The following TPBGL variants were observed in gnomAD, a reference collection of about 807,000 sequenced individuals.
TPBGL encodes trophoblast glycoprotein like.
For missense variants in TPBGL, 685 were observed against 609.4 expected, an observed-to-expected ratio of 1.12 and a Z score of -1.31; for synonymous variants, 380 against 314.8, an observed-to-expected ratio of 1.21 and a Z score of -2.19.
Position 75,241,314 on chromosome 11 carries a change from G to A in TPBGL, c.265G>A (p.Ala89Thr), listed in dbSNP as rs1945596227. 1.5e-6 allele frequency: 2 copies of A among 1,344,200 alleles called. No individual in the cohort carries two copies. The highest frequency in any genetic ancestry group is 1.8e-5 in the South Asian group (1 of 55,264). The allele number at this position is 1,344,200 out of a possible 1,614,324, so 83.3% of individuals were successfully genotyped here. A position where few individuals can be genotyped will look rare whatever the true frequency, so the allele number is the denominator to read the frequency against. ...AGGDGDGDQA[A>T]GVRLPLLSAL... ...CGGGGACGGGGACGGCGACCAGGCG[G>A]CGGGCGTGCGCCTGCCGCTCCTGAG... The change falls in exon 1 of 1, where the codon GCG becomes ACG. Residue 89 changes from alanine (A) to threonine (T), a missense_variant. Physicochemically the swap from Ala to Thr is moderately conservative, Grantham distance 58 (BLOSUM62 0). Transcript: ENST00000562197.
chr11:75,241,187 A>C lies in TPBGL; in HGVS notation c.138A>C (p.Gly46=). Residue 46 remains glycine (G), a synonymous_variant, in exon 1 of 1, where the codon GGA becomes GGC. Coordinates refer to ENST00000562197, the MANE Select transcript of TPBGL (RefSeq NM_001195528.2). ...AGCTGCTGCTGCGCTGCGCGTCGGG[A>C]GCCGAGCTCCGCCAGCCTCCGCGGG... ...GPKLLLRCAS[G]AELRQPPRDV... is the part of the protein sequence containing the mutation. 6.9e-7 allele frequency: 1 copy of C among 1,451,346 alleles called. No homozygotes were observed. The highest frequency in any genetic ancestry group is 9.1e-7 in the Non-Finnish European group (1 of 1,104,818). 89.9% of individuals were successfully genotyped at this position (1,451,346 alleles called of 1,614,324 possible). A position where few individuals can be genotyped will look rare whatever the true frequency, so the allele number is the denominator to read the frequency against.
Position 75,241,704 on chromosome 11 carries a change from G to C in TPBGL, c.655G>C (p.Glu219Gln), listed in dbSNP as rs1296933727. ...GGACCCCGACGAGCTGCGCGCGCTG[G>C]AGCGCGATGGCGGCCTCCCCGGGCC... The part of the protein sequence containing the change: ...GLDPDELRAL[E>Q]RDGGLPGPRL... The change falls in exon 1 of 1, where the codon GAG becomes CAG. Residue 219 changes from glutamate to glutamine, a missense_variant. Coordinates refer to ENST00000562197, the MANE Select transcript of TPBGL (RefSeq NM_001195528.2). 2.4e-6 allele frequency: 3 copies of C among 1,266,878 alleles called. No individual in the cohort carries two copies. The highest frequency in any genetic ancestry group is 3.0e-6 in the Non-Finnish European group (3 of 1,004,734). The allele number at this position is 1,266,878 out of a possible 1,614,324, so 78.5% of individuals were successfully genotyped here. A position where few individuals can be genotyped will look rare whatever the true frequency, so the allele number is the denominator to read the frequency against.
chr11:75,241,705 AGCGCGATG>A lies in TPBGL; in HGVS notation c.660_667del (p.Asp221ProfsTer191). ...GACCCCGACGAGCTGCGCGCGCTGG[AGCGCGATG>A]GCGGCCTCCCCGGGCCGCGCCTGCT... On this transcript the variant is annotated frameshift_variant, in exon 1 of 1. Coordinates refer to ENST00000562197, the MANE Select transcript of TPBGL (RefSeq NM_001195528.2). LOFTEE classifies it low-confidence loss of function (END_TRUNC). 7.9e-7 allele frequency: 1 copy of A among 1,266,620 alleles called. No individual in the cohort carries two copies. Among genetic ancestry groups the A allele is most frequent in the Non-Finnish European group, 1.0e-6 (1 of 1,004,610 alleles). The allele number at this position is 1,266,620 out of a possible 1,614,324, so 78.5% of individuals were successfully genotyped here.
In TPBGL at chr11:75,241,096, T is replaced by TGGC; in HGVS notation, c.55_57dup (p.Ala19dup). ...CCGGGGCTCCAGGGGCTGCTGCTCG[T>TGGC]GGCGGCGGCGCTGAGCCAGCCCGCG... On this transcript the variant is annotated inframe_insertion, in exon 1 of 1. Coordinates refer to ENST00000562197, the MANE Select transcript of TPBGL (RefSeq NM_001195528.2). 7.3e-7 allele frequency: 1 copy of TGGC among 1,360,590 alleles called. No individual in the cohort carries two copies. The highest frequency in any genetic ancestry group is 9.5e-7 in the Non-Finnish European group (1 of 1,054,788). The allele number at this position is 1,360,590 out of a possible 1,614,324, so 84.3% of individuals were successfully genotyped here.
In TPBGL at chr11:75,241,937, GGC is replaced by G; in HGVS notation, c.890_891del (p.Ala297GlyfsTer117). 6.7e-7 allele frequency: 1 copy of G among 1,486,582 alleles called. No individual in the cohort carries two copies. The highest frequency in any genetic ancestry group is 8.9e-7 in the Non-Finnish European group (1 of 1,121,198). The allele number at this position is 1,486,582 out of a possible 1,614,324, so 92.1% of individuals were successfully genotyped here. A position where few individuals can be genotyped will look rare whatever the true frequency, so the allele number is the denominator to read the frequency against. On this transcript the variant is annotated frameshift_variant, in exon 1 of 1. Transcript: ENST00000562197. LOFTEE classifies it low-confidence loss of function (END_TRUNC). Reference sequence around the variant, plus strand: ...GCGGCGCCGACGCTCGCGGAGAGGAGGCGGAGGCCGCCGGCCCGGAGCTGGAA... The same window carrying G: ...GCGGCGCCGACGCTCGCGGAGAGGAGGGAGGCCGCCGGCCCGGAGCTGGAA... ...DSGADARGEEAEAAGPELEAS... is the reference protein window; with the variant it reads ...DSGADARGEEXEAAGPELEAS...
rs1334251035 is a variant in TPBGL, at chr11:75,241,407, C to T, written c.358C>T (p.Leu120=). The T allele has an allele frequency of 1.5e-6, 2 of 1,360,452 alleles. No homozygotes were observed. Among genetic ancestry groups the T allele is most frequent in the African/African-American group, 1.5e-5 (1 of 65,196 alleles). 84.3% of individuals were successfully genotyped at this position (1,360,452 alleles called of 1,614,324 possible). A position where few individuals can be genotyped will look rare whatever the true frequency, so the allele number is the denominator to read the frequency against. The stretch of plus-strand genomic sequence containing the variant: ...CGGCGCCTTCGACGGGCTGCCCAGC[C>T]TGGCGGCGCTCGACCTCAGCCACAA... ...EDGAFDGLPS[L]AALDLSHNPL... is the part of the protein sequence containing the mutation. Residue 120 remains leucine (L), a synonymous_variant, in exon 1 of 1, where the codon CTG becomes TTG. Transcript: ENST00000562197.
chr11:75,241,246 T>A lies in TPBGL; in HGVS notation c.197T>A (p.Val66Glu). 1 of 1,428,012 alleles carries A rather than the reference T, an allele frequency of 7.0e-7. No homozygotes were observed. Among genetic ancestry groups the A allele is most frequent in the African/African-American group, 1.5e-5 (1 of 67,120 alleles). 88.5% of individuals were successfully genotyped at this position (1,428,012 alleles called of 1,614,324 possible). ...VPPDARNLTIVGANLTVLRAA... is the reference protein window; with the variant it reads ...VPPDARNLTIEGANLTVLRAA... ...CCCGACGCGCGCAACCTCACCATCG[T>A]AGGCGCCAACCTGACGGTGCTGCGC... Residue 66 changes from valine to glutamate, a missense_variant, in exon 1 of 1, where the codon GTA becomes GAA. Physicochemically the swap from Val to Glu is moderately radical, Grantham distance 121. Transcript: ENST00000562197.
Position 75,241,021 on chromosome 11 carries a change from C to T in TPBGL, c.-29C>T. 3 of 1,209,830 alleles carry T rather than the reference C, an allele frequency of 2.5e-6. No individual in the cohort carries two copies. The highest frequency in any genetic ancestry group is 3.5e-5 in the East Asian group (1 of 28,218). 74.9% of individuals were successfully genotyped at this position (1,209,830 alleles called of 1,614,324 possible). A position where few individuals can be genotyped will look rare whatever the true frequency, so the allele number is the denominator to read the frequency against. On this transcript the variant is annotated 5_prime_UTR_variant, in exon 1 of 1. Coordinates refer to ENST00000562197, the MANE Select transcript of TPBGL (RefSeq NM_001195528.2). ...CCCAACTCACTGGTGAGCGCGGCGG[C>T]CCGGGCGCTGGATGCGGGGGCGGCC...
In TPBGL at chr11:75,242,163, G is replaced by A; in HGVS notation, c.1114G>A (p.Gly372Ser). Reference sequence around the variant, plus strand: ...CGCGCCCGCGCCCGCCGCGCCCGCGGGCTCCCGCGCCACCTCCCCGGGCTC... The same window carrying A: ...CGCGCCCGCGCCCGCCGCGCCCGCGAGCTCCCGCGCCACCTCCCCGGGCTC... ...RRAPAPAAPA[G>S]SRATSPGSGL The change falls in exon 1 of 1, where the codon GGC (glycine) becomes AGC (serine). Residue 372 changes from glycine to serine, a missense_variant. Coordinates refer to ENST00000562197, the MANE Select transcript of TPBGL (RefSeq NM_001195528.2). 1 of 1,188,650 alleles carries A rather than the reference G, an allele frequency of 8.4e-7. No individual in the cohort carries two copies. Among genetic ancestry groups the A allele is most frequent in the East Asian group, 3.8e-5 (1 of 26,652 alleles). 73.6% of individuals were successfully genotyped at this position (1,188,650 alleles called of 1,614,324 possible). A position where few individuals can be genotyped will look rare whatever the true frequency, so the allele number is the denominator to read the frequency against.
Position 75,242,207 on chromosome 11 carries a change from C to T in TPBGL, c.*9C>T. 1.8e-6 allele frequency: 2 copies of T among 1,103,024 alleles called. No individual in the cohort carries two copies. The highest frequency in any genetic ancestry group is 2.2e-6 in the Non-Finnish European group (2 of 908,494). The allele number at this position is 1,103,024 out of a possible 1,614,324, so 68.3% of individuals were successfully genotyped here. On this transcript the variant is annotated 3_prime_UTR_variant, in exon 1 of 1. Transcript: ENST00000562197. Reference sequence around the variant, plus strand: ...CGGGCTCGGGGCTCTGAGCGGCGCCCCCGGGCTCGGGGCTTCCCTTGCCTG... The same window carrying T: ...CGGGCTCGGGGCTCTGAGCGGCGCCTCCGGGCTCGGGGCTTCCCTTGCCTG...
chr11:75,241,441 G>A lies in TPBGL; in HGVS notation c.392G>A (p.Arg131His), dbSNP rs1945597425. 2 of 1,288,422 alleles carry A rather than the reference G, an allele frequency of 1.6e-6. No homozygotes were observed. Among genetic ancestry groups the A allele is most frequent in the East Asian group, 6.7e-5 (2 of 30,062 alleles). The allele number at this position is 1,288,422 out of a possible 1,614,324, so 79.8% of individuals were successfully genotyped here. A position where few individuals can be genotyped will look rare whatever the true frequency, so the allele number is the denominator to read the frequency against. The change falls in exon 1 of 1, where the codon CGC becomes CAC. Residue 131 changes from arginine (R) to histidine (H), a missense_variant. Arg to His is a conservative substitution (Grantham distance 29). Coordinates refer to ENST00000562197, the MANE Select transcript of TPBGL (RefSeq NM_001195528.2). ...CTCGACCTCAGCCACAACCCGCTGC[G>A]CGCCCTGGGCGGCGGCGCCTTCCGC... ...AALDLSHNPL[R>H]ALGGGAFRGL...
In TPBGL at chr11:75,241,579, T is replaced by A; in HGVS notation, c.530T>A (p.Leu177Gln). Reference sequence around the variant, plus strand: ...GCACCGCTGGCCGAGCTTCGCCTGCTGGGCCTAGCGGGCAACGCGCTGAGC... The same window carrying A: ...GCACCGCTGGCCGAGCTTCGCCTGCAGGGCCTAGCGGGCAACGCGCTGAGC... ...ALAPLAELRLLGLAGNALSRL... is the reference protein window; with the variant it reads ...ALAPLAELRLQGLAGNALSRL... Residue 177 changes from leucine (L) to glutamine (Q), a missense_variant, in exon 1 of 1, where the codon CTG becomes CAG. Transcript: ENST00000562197. The A allele has an allele frequency of 7.6e-7, 1 of 1,314,892 alleles. No homozygotes were observed. Among genetic ancestry groups the A allele is most frequent in the Non-Finnish European group, 9.8e-7 (1 of 1,024,256 alleles). 81.5% of individuals were successfully genotyped at this position (1,314,892 alleles called of 1,614,324 possible).
At position 75,242,085 on chromosome 11, in the gene TPBGL, G is replaced by GGAGGGCTACC; in HGVS notation, c.1036_1037insGAGGGCTACC (p.Asp346GlyfsTer72). 1 of 1,434,448 alleles carries GGAGGGCTACC rather than the reference G, an allele frequency of 7.0e-7. No homozygotes were observed. The highest frequency in any genetic ancestry group is 9.2e-7 in the Non-Finnish European group (1 of 1,089,888). 88.9% of individuals were successfully genotyped at this position (1,434,448 alleles called of 1,614,324 possible). A position where few individuals can be genotyped will look rare whatever the true frequency, so the allele number is the denominator to read the frequency against. On this transcript the variant is annotated frameshift_variant, in exon 1 of 1. Transcript: ENST00000562197. LOFTEE classifies it low-confidence loss of function (END_TRUNC). ...GCGCAACCTGCGCGAGGCGTGCCGG[G>GGAGGGCTACC]ACCAGATGGAGGGCTACCACTACCG... is the stretch of plus-strand genomic sequence containing the variant.
rs1403498769 is a variant in TPBGL at position 75,241,720 on chromosome 11, TC to T, written c.675del (p.Pro227ArgfsTer45). 11 of 1,265,896 alleles carry T rather than the reference TC, an allele frequency of 8.7e-6. No homozygotes were observed. The highest frequency in any genetic ancestry group is 6.3e-5 in the South Asian group (3 of 47,606). The allele number at this position is 1,265,896 out of a possible 1,614,324, so 78.4% of individuals were successfully genotyped here. On this transcript the variant is annotated frameshift_variant, in exon 1 of 1. Coordinates refer to ENST00000562197, the MANE Select transcript of TPBGL (RefSeq NM_001195528.2). LOFTEE classifies it low-confidence loss of function (END_TRUNC). ...CGCGCGCTGGAGCGCGATGGCGGCC[TC>T]CCCGGGCCGCGCCTGCTGCTCGCCG... is the stretch of plus-strand genomic sequence containing the variant. ...ELRALERDGG[L>X]PGPRLLLADN...
chr11:75,241,026 G>A lies in TPBGL; in HGVS notation c.-24G>A. The A allele has an allele frequency of 8.3e-7, 1 of 1,212,024 alleles. No individual in the cohort carries two copies. The highest frequency in any genetic ancestry group is 1.0e-6 in the Non-Finnish European group (1 of 977,522). The allele number at this position is 1,212,024 out of a possible 1,614,324, so 75.1% of individuals were successfully genotyped here. A position where few individuals can be genotyped will look rare whatever the true frequency, so the allele number is the denominator to read the frequency against. The stretch of plus-strand genomic sequence containing the variant: ...CTCACTGGTGAGCGCGGCGGCCCGG[G>A]CGCTGGATGCGGGGGCGGCCGCGAT... On this transcript the variant is annotated 5_prime_UTR_variant, in exon 1 of 1. Transcript: ENST00000562197.
rs575741373 is a variant in TPBGL, at chr11:75,240,929, G to T, written c.-121G>T. On this transcript the variant is annotated 5_prime_UTR_variant, in exon 1 of 1. Transcript: ENST00000562197. Reference sequence around the variant, plus strand: ...CCTCAGACTTTCGAGACAGCGAACGGACCGACCGGGACTGCCAGCCGCTCC... The same window carrying T: ...CCTCAGACTTTCGAGACAGCGAACGTACCGACCGGGACTGCCAGCCGCTCC... The T allele has an allele frequency of 2.5e-4, 168 of 672,602 alleles. No homozygotes were observed. Among genetic ancestry groups the T allele is most frequent in the Non-Finnish European group, 7.9e-5 (39 of 495,226 alleles). 41.7% of individuals were successfully genotyped at this position (672,602 alleles called of 1,614,324 possible).
Position 75,241,627 on chromosome 11 carries a change from G to T in TPBGL, c.578G>T (p.Arg193Leu). The change falls in exon 1 of 1, where the codon CGC (arginine) becomes CTC (leucine). Residue 193 changes from arginine (R) to leucine (L), a missense_variant. Transcript: ENST00000562197. ...AGCCGTCTGCCGCCAGCCGCCCTGC[G>T]CCTGGCGCGCCTGGAGCAGCTGGAC... ...ALSRLPPAAL[R>L]LARLEQLDVR... 1.5e-6 allele frequency: 2 copies of T among 1,312,926 alleles called. No homozygotes were observed. The highest frequency in any genetic ancestry group is 2.0e-6 in the Non-Finnish European group (2 of 1,023,900). The allele number at this position is 1,312,926 out of a possible 1,614,324, so 81.3% of individuals were successfully genotyped here. A position where few individuals can be genotyped will look rare whatever the true frequency, so the allele number is the denominator to read the frequency against.
rs1490980902 is a variant in TPBGL at position 75,241,226 on chromosome 11, C to G, written c.177C>G (p.Asp59Glu). The stretch of plus-strand genomic sequence containing the variant: ...AGCCTCCGCGGGACGTGCCGCCCGA[C>G]GCGCGCAACCTCACCATCGTAGGCG... The part of the protein sequence containing the change: ...LRQPPRDVPP[D>E]ARNLTIVGAN... Residue 59 changes from aspartate to glutamate, a missense_variant, in exon 1 of 1, where the codon GAC becomes GAG. Transcript: ENST00000562197. The G allele has an allele frequency of 7.0e-7, 1 of 1,437,956 alleles. No individual in the cohort carries two copies. Among genetic ancestry groups the G allele is most frequent in the Non-Finnish European group, 9.1e-7 (1 of 1,097,650 alleles). The allele number at this position is 1,437,956 out of a possible 1,614,324, so 89.1% of individuals were successfully genotyped here.
Position 75,241,497 on chromosome 11 carries a change from A to G in TPBGL, c.448A>G (p.Asn150Asp). 8.1e-7 allele frequency: 1 copy of G among 1,227,554 alleles called. No individual in the cohort carries two copies. The highest frequency in any genetic ancestry group is 3.0e-5 in the South Asian group (1 of 33,124). The allele number at this position is 1,227,554 out of a possible 1,614,324, so 76.0% of individuals were successfully genotyped here. A position where few individuals can be genotyped will look rare whatever the true frequency, so the allele number is the denominator to read the frequency against. ...GLPALRSLQL[N>D]HALVRGGPAL... ...GCCCGCGCTGCGCTCGCTGCAGCTC[A>G]ACCACGCGCTGGTGCGCGGCGGCCC... The change falls in exon 1 of 1, where the codon AAC (asparagine) becomes GAC (aspartate). Residue 150 changes from asparagine to aspartate, a missense_variant. Asn to Asp is a conservative substitution (Grantham distance 23). Coordinates refer to ENST00000562197, the MANE Select transcript of TPBGL (RefSeq NM_001195528.2).
Sources: gnomAD v4.1 joint callset for allele counts on GRCh38, gnomAD v4.1.1 for gene constraint, MANE v1.5 for transcripts, NCBI Gene and HGNC (gene_info 2026-07-23, HGNC 2026-07-21) for gene names.